RHEB: variants seen among roughly 807,000 people sequenced by gnomAD.
RHEB encodes Ras homolog, mTORC1 binding, also known as GTP-binding protein Rheb.
In RHEB, 2 loss-of-function variants were observed where a neutral mutation model predicts 28.8. The ratio of observed to expected loss-of-function variants is 0.07; its 90% CI spans 0.03 to 0.22. The LOEUF (loss-of-function observed/expected upper bound fraction) is 0.22, where lower values mean the gene tolerates loss of function less well. RHEB is among the 10% of genes least tolerant of loss of function. The pLI is 1.00. For missense variants in RHEB, 76 were observed against 219.9 expected, an observed-to-expected ratio of 0.35 and a Z score of 4.14; for synonymous variants, 69 against 77.3, an observed-to-expected ratio of 0.89 and a Z score of 0.56.
intron 7 of RHEB, among the ~76,000 whole-genome samples, chr7:151,467,911 C>A (rs1167518716): frequency 1.3e-5 from 2 of 152,058 alleles, no homozygotes; most frequent in Non-Finnish European, 2.9e-5. Context: ...TTTATTTTTC[C>A]TTTTTTGTTA....
At position 151,491,004 on chromosome 7, in the gene RHEB, T is replaced by C; in HGVS notation, c.63A>G (p.Ser21=). The C allele has an allele frequency of 6.2e-7, 1 of 1,611,426 alleles. No individual in the cohort carries two copies. The highest frequency in any genetic ancestry group is 8.5e-7 in the Non-Finnish European group (1 of 1,178,878). Residue 21 remains serine (S), a synonymous_variant, in exon 2 of 8, where the codon TCA becomes TCG. Transcript: ENST00000262187. ...ILGYRSVGKS[S]LTIQFVEGQF... Reference sequence around the variant, plus strand: ...GGCCTTCAACAAATTGAATCGTCAATGAGGATTTCCCTATAAAAGAGAACA... The same window carrying C: ...GGCCTTCAACAAATTGAATCGTCAACGAGGATTTCCCTATAAAAGAGAACA...
At chr7:151,477,143 T>G (rs1802284931) in intron 4 of RHEB, among the ~76,000 whole-genome samples, 190 bp downstream of exon 4, 2 of 152,142 alleles carry the variant, frequency 1.3e-5, no homozygotes, top group Admixed American at 1.3e-4. Flanking sequence ...TTTATCCTAT[T>G]GGTGTAACTA....
At chr7:151,510,635 C>A (rs1477965660) in intron 1 of RHEB, among the ~76,000 whole-genome samples, 4 of 152,192 alleles carry the variant, frequency 2.6e-5, no homozygotes, top group African/African-American at 9.6e-5. Flanking sequence ...CAAAGTAGAG[C>A]ATTTATTCAA....
At chr7:151,500,544 T>C (rs1802755213) in intron 1 of RHEB, among the ~76,000 whole-genome samples, 1 of 152,128 alleles carries the variant, frequency 6.6e-6, no homozygotes, top group East Asian at 1.9e-4. Context: ...TGGATGTCAA[T>C]ATCAGAAAAA....
At chr7:151,494,417 T>C (rs1245392350) in intron 1 of RHEB, among the ~76,000 whole-genome samples, 2 of 152,194 alleles carry the variant, frequency 1.3e-5, no homozygotes, top group Non-Finnish European at 2.9e-5. Context: ...GTTACACACA[T>C]TAAACAAGAC....
At chr7:151,480,498 G>T (rs1487132025) in intron 3 of RHEB, among the ~76,000 whole-genome samples, 1 of 151,806 alleles carries the variant, frequency 6.6e-6, no homozygotes, top group Non-Finnish European at 1.5e-5. Flanking sequence ...TTGCTGGTGG[G>T]GGTGGGGGGT....
At chr7:151,515,558 C>G (rs1425714636) in intron 1 of RHEB, among the ~76,000 whole-genome samples, 1 of 152,098 alleles carries the variant, frequency 6.6e-6, no homozygotes, top group Non-Finnish European at 1.5e-5. Flanking sequence ...CAGGACTACC[C>G]CCACCCACAA....
chr7:151,504,879 A>G (rs1802838707), intron 1 of RHEB, among the ~76,000 whole-genome samples: 1 of 152,100 alleles, frequency 6.6e-6, no homozygotes, highest in Non-Finnish European at 1.5e-5. Flanking sequence ...AAAAAAAAAA[A>G]GAAATTTTCT....
chr7:151,506,279 G>T (rs1330039450), intron 1 of RHEB, among the ~76,000 whole-genome samples: 1 of 151,570 alleles, frequency 6.6e-6, no homozygotes, highest in Non-Finnish European at 1.5e-5. Flanking sequence ...CAAACTGCTG[G>T]TCTCAAATGA....
intron 1 of RHEB, among the ~76,000 whole-genome samples, chr7:151,495,850 A>G (rs544370387): frequency 1.3e-5 from 2 of 152,280 alleles, no homozygotes; most frequent in African/African-American, 4.8e-5. Context: ...TTACTCAAGA[A>G]GCTGATGTAG....
chr7:151,499,083 T>C (rs1802723621), intron 1 of RHEB, among the ~76,000 whole-genome samples: 1 of 152,162 alleles, frequency 6.6e-6, no homozygotes, highest in South Asian at 2.1e-4. Context: ...ATAAACACAA[T>C]AGGCCAGACA....
chr7:151,503,292 C>A, intron 1 of RHEB: 2 of 796,802 alleles, frequency 2.5e-6, no homozygotes, highest in South Asian at 1.3e-5. Flanking sequence ...GGTTTGCTAA[C>A]AACTATAAAA....
chr7:151,476,079 G>C (rs1802266302), intron 4 of RHEB, among the ~76,000 whole-genome samples: 1 of 152,156 alleles, frequency 6.6e-6, no homozygotes, highest in Non-Finnish European at 1.5e-5. Context: ...TGATTCAGGT[G>C]TAAACTTTCT....
At chr7:151,502,020 G>A in intron 1 of RHEB, 3 of 474,752 alleles carry the variant, frequency 6.3e-6, no homozygotes, top group Non-Finnish European at 7.9e-6. Context: ...CAGATCACCT[G>A]AGGTCAGGAG....
At chr7:151,506,745 T>C (rs1056986527) in intron 1 of RHEB, among the ~76,000 whole-genome samples, 1 of 152,200 alleles carries the variant, frequency 6.6e-6, no homozygotes, top group African/African-American at 2.4e-5. Flanking sequence ...TACTGTTTCA[T>C]TTACCCACAG....
intron 3 of RHEB, among the ~76,000 whole-genome samples, chr7:151,478,608 T>C (rs1802316233): frequency 6.6e-6 from 1 of 151,910 alleles, no homozygotes; most frequent in African/African-American, 2.4e-5. Context: ...GAAGGTATAA[T>C]GGAGGAAAGA....
intron 1 of RHEB, among the ~76,000 whole-genome samples, chr7:151,512,436 T>A (rs577076810): frequency 6.6e-6 from 1 of 152,348 alleles, no homozygotes; most frequent in African/African-American, 2.4e-5. Flanking sequence ...CCTGCTACTC[T>A]TTGCAATTTT....
chr7:151,494,246 C>T (rs1013695637), intron 1 of RHEB, among the ~76,000 whole-genome samples: 2 of 152,206 alleles, frequency 1.3e-5, no homozygotes, highest in Non-Finnish European at 2.9e-5. Context: ...GGGATAAGCT[C>T]CCCAAGCACT....
chr7:151,504,214 G>A (rs1324701521), intron 1 of RHEB, among the ~76,000 whole-genome samples: 1 of 152,126 alleles, frequency 6.6e-6, no homozygotes, highest in Admixed American at 6.6e-5. Flanking sequence ...TCTGACAAGT[G>A]TCCCTATAAC....
Sources: allele counts gnomAD v4.1 joint callset (sites outside exome capture counted in the v4.1 genomes callset), GRCh38; gene constraint gnomAD v4.1.1; transcripts MANE v1.5; gene names NCBI Gene and HGNC (gene_info 2026-07-23, HGNC 2026-07-21).